Variants in PRKAG2 observed in about 807,000 individuals in gnomAD.
PRKAG2 encodes protein kinase AMP-activated non-catalytic subunit gamma 2.
Under a neutral mutation model 69.6 loss-of-function variants are expected in PRKAG2, and 26 were observed. The ratio of observed to expected loss-of-function variants is 0.37; its 90% CI spans 0.27 to 0.52. The LOEUF is 0.52. Among genes scored for constraint, PRKAG2 ranks in the 20% least tolerant of loss-of-function variants. The probability of loss-of-function intolerance (pLI) is 0.90; values close to 1 mark genes in which losing one functional copy is unlikely to be tolerated. For synonymous variants in PRKAG2, 293 were observed against 285.0 expected (o/e 1.03, Z -0.28); for missense variants, 557 against 740.0 (o/e 0.75, Z 2.87).
intron 1 of PRKAG2, among the ~76,000 whole-genome samples, chr7:151,815,455 C>T (rs979527894): frequency 6.6e-6 from 1 of 152,158 alleles, no homozygotes; most frequent in Non-Finnish European, 1.5e-5. Context: ...CAGGCCATCA[C>T]CCACTACCCA....
chr7:151,629,105 C>T (rs1195410564), intron 5 of PRKAG2, among the ~76,000 whole-genome samples: 2 of 152,190 alleles, frequency 1.3e-5, no homozygotes. Context: ...TTACTGGAGC[C>T]GAGCCCCGCC....
At chr7:151,822,869 A>C (rs1162938904) in intron 1 of PRKAG2, among the ~76,000 whole-genome samples, 1 of 152,174 alleles carries the variant, frequency 6.6e-6, no homozygotes, top group African/African-American at 2.4e-5. Flanking sequence ...TGAATCCACA[A>C]CACAGAATGT....
chr7:151,773,030 A>G (rs1479179217), intron 3 of PRKAG2, among the ~76,000 whole-genome samples: 5 of 29,210 alleles, frequency 1.7e-4, no homozygotes, highest in African/African-American at 5.6e-4. Context: ...AGAAAGAGAG[A>G]GAGAGAGAGA....
At chr7:151,590,541 G>A (rs11980127) in intron 6 of PRKAG2, among the ~76,000 whole-genome samples, 28,993 of 152,116 alleles carry the variant, frequency 0.19, 3,363 homozygotes, top group African/African-American at 0.32. Flanking sequence ...ATGGCAGTGG[G>A]AACAGCTGGC....
chr7:151,631,686 G>C (rs913399417), intron 5 of PRKAG2: 6 of 458,352 alleles, frequency 1.3e-5, no homozygotes, highest in Non-Finnish European at 2.6e-5. Flanking sequence ...TATGATTAAA[G>C]GGTCTGGACT....
chr7:151,641,928 C>A (rs920706820), intron 4 of PRKAG2, among the ~76,000 whole-genome samples: 3 of 150,906 alleles, frequency 2.0e-5, no homozygotes, highest in African/African-American at 4.9e-5. Flanking sequence ...CATGCAGTAG[C>A]TCGGTCTGTA....
intron 3 of PRKAG2, among the ~76,000 whole-genome samples, chr7:151,676,090 T>C (rs954074108): frequency 3.9e-5 from 6 of 152,038 alleles, no homozygotes; most frequent in Non-Finnish European, 7.3e-5. Flanking sequence ...CAGCCAAATA[T>C]CATTTGATCT....
chr7:151,692,674 G>A (rs188428550), intron 3 of PRKAG2, among the ~76,000 whole-genome samples: 47 of 152,258 alleles, frequency 3.1e-4, no homozygotes, highest in Non-Finnish European at 5.3e-4. Flanking sequence ...TCTGCAATGG[G>A]GGAAGCAGGT....
chr7:151,782,963 T>C (rs976885746), intron 2 of PRKAG2, among the ~76,000 whole-genome samples: 1 of 152,230 alleles, frequency 6.6e-6, no homozygotes, highest in East Asian at 1.9e-4. Flanking sequence ...CGGGAAATAC[T>C]GCCCTCGGGC....
intron 5 of PRKAG2, among the ~76,000 whole-genome samples, chr7:151,602,572 G>C (rs1490213773): frequency 6.6e-6 from 1 of 152,094 alleles, no homozygotes; most frequent in Non-Finnish European, 1.5e-5. Flanking sequence ...ATTGTATTTT[G>C]AATAAATATA....
intron 4 of PRKAG2, among the ~76,000 whole-genome samples, chr7:151,643,392 C>G (rs1827075246): frequency 1.3e-5 from 2 of 152,328 alleles, no homozygotes; most frequent in South Asian, 2.1e-4. Context: ...TCTGCTCCCT[C>G]CCCTGCAACT....
chr7:151,734,897 C>T (rs1326934935), intron 3 of PRKAG2, among the ~76,000 whole-genome samples: 2 of 144,002 alleles, frequency 1.4e-5, no homozygotes, highest in Non-Finnish European at 3.0e-5. Context: ...CTCTGTCGCC[C>T]AGGCTGAAGT....
intron 3 of PRKAG2, among the ~76,000 whole-genome samples, chr7:151,773,022 A>AG (rs1491357607): frequency 4.6e-3 from 94 of 20,580 alleles, no homozygotes; most frequent in African/African-American, 5.1e-3. Context: ...AGAAAGAAAG[A>AG]AAGAGAGAGA....
At chr7:151,764,057 G>C (rs914776207) in intron 3 of PRKAG2, among the ~76,000 whole-genome samples, 1 of 152,214 alleles carries the variant, frequency 6.6e-6, no homozygotes, top group African/African-American at 2.4e-5. Context: ...GGCTGGGACG[G>C]GCAGACAGCC....
At chr7:151,743,305 G>A (rs576908069) in intron 3 of PRKAG2, among the ~76,000 whole-genome samples, 5 of 152,272 alleles carry the variant, frequency 3.3e-5, no homozygotes, top group South Asian at 2.1e-4. Context: ...AGCCTGGCAC[G>A]GGACCAGGTA....
Position 151,785,660 on chromosome 7 carries a change from G to A in PRKAG2, c.186+810C>T, listed in dbSNP as rs548988767. Among the ~76,000 whole-genome samples, 58 of 152,350 alleles carry A rather than the reference G, an allele frequency of 3.8e-4. No homozygotes were observed. The East Asian group carries it at 0.011, about 29-fold the overall frequency. On this transcript the variant is annotated intron_variant, in intron 2 of 15. Coordinates refer to ENST00000287878, the MANE Select transcript of PRKAG2 (RefSeq NM_016203.4). ...TCCCAGACCCTGTACGTAGCCCCCA[G>A]ATCACTAGCTCTGTCTGCTGTCACC...
At chr7:151,849,983 C>A (rs190622681) in intron 1 of PRKAG2, among the ~76,000 whole-genome samples, 1 of 152,198 alleles carries the variant, frequency 6.6e-6, no homozygotes, top group Non-Finnish European at 1.5e-5. Flanking sequence ...GCTGCTCCTG[C>A]CCAGCCCGCA....
intron 1 of PRKAG2, chr7:151,806,776 G>A (rs998705013): frequency 2.9e-6 from 1 of 344,786 alleles, no homozygotes; most frequent in Admixed American, 4.3e-5. Context: ...GACCAGCCTG[G>A]GCAACATGGC....
At chr7:151,671,171 C>CAAAA (rs11296795) in intron 4 of PRKAG2, among the ~76,000 whole-genome samples, 13 of 55,416 alleles carry the variant, frequency 2.3e-4, no homozygotes, top group African/African-American at 7.4e-4. Context: ...TAGACTGTCT[C>CAAAA]AAAAAAAAAA....
Sources: gnomAD v4.1 joint callset for allele counts (sites outside exome capture counted in the v4.1 genomes callset) on GRCh38, gnomAD v4.1.1 for gene constraint, MANE v1.5 for transcripts, NCBI Gene and HGNC (gene_info 2026-07-23, HGNC 2026-07-21) for gene names.